The following PSMF1 variants were observed in gnomAD, a reference collection of about 807,000 sequenced individuals.
The protein encoded by PSMF1 is proteasome inhibitor PI31 subunit.
In PSMF1, 30 loss-of-function variants were observed where a neutral mutation model predicts 29.3. The ratio of observed to expected loss-of-function variants is 1.02; its 90% CI spans 0.77 to 1.39. The LOEUF (loss-of-function observed/expected upper bound fraction) is 1.39. Among genes scored for constraint, PSMF1 ranks in the 40% most tolerant of loss-of-function variants. The pLI, the probability that PSMF1 is intolerant of heterozygous loss-of-function variation, is 0.00. For synonymous variants in PSMF1, 134 were observed against 139.7 expected (o/e 0.96, Z 0.29); for missense variants, 344 against 357.5 (o/e 0.96, Z 0.31).
At chr20:1,115,821 C>T (rs1177409168), upstream of PSMF1, among the ~76,000 whole-genome samples, 2 of 151,778 alleles carry the variant, frequency 1.3e-5, no homozygotes, top group Non-Finnish European at 1.5e-5. Context: ...CAACCTCTAC[C>T]TCCCGGGTTC....
At chr20:1,129,561 C>T (rs139302299) in intron 3 of PSMF1, among the ~76,000 whole-genome samples, 193 of 152,294 alleles carry the variant, frequency 1.3e-3, no homozygotes, top group African/African-American at 4.1e-3. Context: ...GTATTTCCCA[C>T]GCAGCAGTTG....
intron 4 of PSMF1, among the ~76,000 whole-genome samples, chr20:1,162,621 T>C (rs2086680784): frequency 1.3e-5 from 2 of 152,124 alleles, no homozygotes; most frequent in African/African-American, 4.8e-5. Flanking sequence ...GCAGGTACAG[T>C]GCATAAACAG....
At chr20:1,117,437 G>A (rs1208039109), upstream of PSMF1, among the ~76,000 whole-genome samples, 1 of 151,518 alleles carries the variant, frequency 6.6e-6, no homozygotes. Context: ...TCCACCTCCC[G>A]GGTTCGATTG....
intron 1 of PSMF1, among the ~76,000 whole-genome samples, chr20:1,124,357 C>A (rs1454041243): frequency 6.6e-6 from 1 of 152,030 alleles, no homozygotes; most frequent in Non-Finnish European, 1.5e-5. Flanking sequence ...TTACACCCAC[C>A]AGGCTGACAA....
At position 1,171,175 on chromosome 20, in the gene PSMF1, T is replaced by C. The variant is rs754333030; in HGVS notation, c.*6095T>C. Among the ~76,000 whole-genome samples, 8 of 152,100 alleles carry C rather than the reference T, an allele frequency of 5.3e-5. No individual in the cohort carries two copies. The highest frequency in any genetic ancestry group is 6.5e-5 in the Admixed American group (1 of 15,274). On this transcript the variant is annotated 3_prime_UTR_variant, in exon 7 of 7. Transcript: ENST00000335877. ...CTTAAGGCTCCTCAGTCAGTCCTAT[T>C]TGCACAGCGTGCCTCATGCTCCTGA...
At chr20:1,160,222 C>T (rs999921883) in intron 4 of PSMF1, among the ~76,000 whole-genome samples, 3 of 151,862 alleles carry the variant, frequency 2.0e-5, no homozygotes, top group South Asian at 4.2e-4. Context: ...CGTTTTTCAC[C>T]GTTGATTTCC....
intron 4 of PSMF1, among the ~76,000 whole-genome samples, chr20:1,147,102 C>T (rs924491936): frequency 8.5e-5 from 13 of 152,110 alleles, no homozygotes; most frequent in Non-Finnish European, 1.6e-4. Context: ...TATTTAGGCC[C>T]AGGCCCAGGT....
At chr20:1,121,424 G>A (rs528051874) in intron 1 of PSMF1, among the ~76,000 whole-genome samples, 194 of 152,186 alleles carry the variant, frequency 1.3e-3, no homozygotes, top group Admixed American at 2.4e-3. Context: ...TGCCATTGGG[G>A]CTCAGGTTGC....
intron 1 of PSMF1, among the ~76,000 whole-genome samples, chr20:1,123,603 C>G (rs1419079414): frequency 6.6e-6 from 1 of 151,990 alleles, no homozygotes; most frequent in Non-Finnish European, 1.5e-5. Flanking sequence ...TATAGTATTC[C>G]ACTATAAGCA....
intron 4 of PSMF1, chr20:1,161,515 A>G: frequency 1.8e-6 from 1 of 542,724 alleles, no homozygotes; most frequent in East Asian, 3.7e-5. Context: ...AGGATGCAGA[A>G]AGAGATCACT....
chr20:1,160,565 A>T, intron 4 of PSMF1: 2 of 457,058 alleles, frequency 4.4e-6, no homozygotes, highest in South Asian at 3.3e-5. Flanking sequence ...TCTGCCGCCC[A>T]GCTCCTCCAC....
intron 4 of PSMF1, among the ~76,000 whole-genome samples, chr20:1,140,903 T>G (rs1296265873): frequency 1.3e-5 from 2 of 152,262 alleles, no homozygotes; most frequent in Non-Finnish European, 2.9e-5. Context: ...CAAGAAATAG[T>G]ATTATTTGCA....
chr20:1,132,487 G>T (rs577222065), intron 3 of PSMF1, among the ~76,000 whole-genome samples: 1 of 152,012 alleles, frequency 6.6e-6, no homozygotes, highest in Non-Finnish European at 1.5e-5. Context: ...ATGTTAGCCA[G>T]GATGGTCTCG....
rs114448116 is a variant in PSMF1 at position 1,137,607 on chromosome 20, T to C, written c.551+2301T>C. 9.7e-3 allele frequency among the ~76,000 whole-genome samples: 1,203 copies of C among 123,878 alleles called. 14 individuals carry two copies. The highest frequency in any genetic ancestry group is 0.035 in the African/African-American group (1,141 of 32,746). The allele number at this position is 123,878 out of a possible 152,430, so 81.3% of individuals were successfully genotyped here. A position where few individuals can be genotyped will look rare whatever the true frequency, so the allele number is the denominator to read the frequency against. On this transcript the variant is annotated intron_variant, in intron 4 of 6. Transcript: ENST00000335877. ...AAATTGACCTTGTTTTTTCAACAAA[T>C]AAATTAATCGCATGGGGAGAAAAGG...
chr20:1,117,320 T>C (rs1254676581), upstream of PSMF1, among the ~76,000 whole-genome samples: 1 of 151,312 alleles, frequency 6.6e-6, no homozygotes, highest in East Asian at 1.9e-4. Flanking sequence ...CCAACGGATG[T>C]GATCTGACTT....
intron 3 of PSMF1, among the ~76,000 whole-genome samples, chr20:1,130,154 C>T (rs1276604119): frequency 6.6e-6 from 1 of 152,096 alleles, no homozygotes; most frequent in Non-Finnish European, 1.5e-5. Context: ...TGGTGGTTGC[C>T]AGATACTGGG....
chr20:1,116,868 T>G (rs1600133974), upstream of PSMF1, among the ~76,000 whole-genome samples: 1 of 149,860 alleles, frequency 6.7e-6, no homozygotes, highest in South Asian at 2.1e-4. Flanking sequence ...ATGGTAGGAG[T>G]GAGGGATGAA....
chr20:1,129,442 C>T (rs925109371), intron 3 of PSMF1, among the ~76,000 whole-genome samples: 2 of 152,232 alleles, frequency 1.3e-5, no homozygotes, highest in Admixed American at 6.5e-5. Context: ...GACTTTCAAA[C>T]CACTGGCCTC....
intron 4 of PSMF1, chr20:1,160,725 G>T: frequency 2.1e-6 from 1 of 470,878 alleles, no homozygotes. Context: ...GGTGGGGATG[G>T]GCCAGAAGGT....
Sources: gnomAD v4.1 joint callset for allele counts (sites outside exome capture counted in the v4.1 genomes callset) on GRCh38, gnomAD v4.1.1 for gene constraint, MANE v1.5 for transcripts, NCBI Gene and HGNC (gene_info 2026-07-23, HGNC 2026-07-21) for gene names.